Variants in PSD4 observed in about 807,000 individuals in gnomAD.
PSD4 encodes PH and SEC7 domain-containing protein 4.
A neutral mutation model predicts 112.5 loss-of-function variants in PSD4; 59 were observed. The observed-to-expected ratio is 0.52, with a 90% confidence interval of 0.43 to 0.65. PSD4 has a LOEUF of 0.65. Among genes scored for constraint, PSD4 ranks in the 30% least tolerant of loss-of-function variants. The pLI is 0.00. For synonymous variants in PSD4, 533 were observed against 540.0 expected (o/e 0.99, Z 0.18); for missense variants, 1,267 against 1,352.6 (o/e 0.94, Z 0.99).
Position 113,182,219 on chromosome 2 carries a change from G to C in PSD4, c.-111-127G>C, listed in dbSNP as rs907418068. The C allele has an allele frequency of 6.8e-5, 33 of 485,520 alleles. 1 individual carries two copies. The highest frequency in any genetic ancestry group is 1.2e-4 in the Non-Finnish European group (33 of 272,740). 30.1% of individuals were successfully genotyped at this position (485,520 alleles called of 1,614,324 possible). Reference sequence around the variant, plus strand: ...ACTCCTTACTCCCAGCAGGGCTGTGGAGGGCAGTGCTAAGGAGCAGCAGGC... The same window carrying C: ...ACTCCTTACTCCCAGCAGGGCTGTGCAGGGCAGTGCTAAGGAGCAGCAGGC... On this transcript the variant is annotated intron_variant, in intron 1 of 16. Transcript: ENST00000245796.
chr2:113,186,318 T>G, intron 5 of PSD4, 63 bp downstream of exon 5: 2 of 1,478,618 alleles, frequency 1.4e-6, no homozygotes, highest in Non-Finnish European at 1.8e-6. Context: ...AATATTCTAG[T>G]CTGGATGGAG....
rs768487603 is a variant in PSD4, at chr2:113,198,827, C to A, written c.2712C>A (p.Gly904=). Residue 904 remains glycine (G), a synonymous_variant, in exon 15 of 17, where the codon GGC becomes GGA. Coordinates refer to ENST00000245796, the MANE Select transcript of PSD4 (RefSeq NM_012455.3). ...HSAPPFPAAV[G]SQRRFVRPIL... ...CGCCGCCCTTCCCCGCCGCTGTGGG[C>A]TCCCAGCGCAGATTCGTGCGGCCCA... The A allele has an allele frequency of 6.3e-7, 1 of 1,597,670 alleles. No individual in the cohort carries two copies. Among genetic ancestry groups the A allele is most frequent in the African/African-American group, 1.3e-5 (1 of 74,886 alleles).
intron 1 of PSD4, among the ~76,000 whole-genome samples, chr2:113,181,205 G>T (rs55746251): frequency 0.039 from 5,778 of 149,976 alleles, 363 homozygotes; most frequent in African/African-American, 0.13. Flanking sequence ...TCCAACCCGG[G>T]TGACAGAGCG....
intron 2 of PSD4, 146 bp from the exon 3 acceptor site, chr2:113,184,811 T>C: frequency 8.3e-7 from 1 of 1,206,898 alleles, no homozygotes; most frequent in South Asian, 1.4e-5. Flanking sequence ...CAGCCCCTCC[T>C]TGGGCTGGCA....
At chr2:113,187,918 A>G (rs957516197) in intron 5 of PSD4, among the ~76,000 whole-genome samples, 6 of 152,230 alleles carry the variant, frequency 3.9e-5, no homozygotes, top group Admixed American at 3.9e-4. Context: ...AGAAAAGTGT[A>G]AGTACAAATC....
rs760030646 is a variant in PSD4, at chr2:113,198,889, G to T, written c.2769+5G>T. The T allele has an allele frequency of 1.3e-6, 2 of 1,577,724 alleles. No homozygotes were observed. Among genetic ancestry groups the T allele is most frequent in the Non-Finnish European group, 1.7e-6 (2 of 1,169,236 alleles). The stretch of plus-strand genomic sequence containing the variant: ...GGCCCCGCCCAGAGCTCCCTGGTAC[G>T]GCCTCCGGGAAGGGGTGGGGTCCGG... On this transcript the variant is annotated splice_donor_5th_base_variant and intron_variant, in intron 15 of 16. Coordinates refer to ENST00000245796, the MANE Select transcript of PSD4 (RefSeq NM_012455.3).
At chr2:113,177,545 C>A (rs996470051) in intron 1 of PSD4, among the ~76,000 whole-genome samples, 1 of 152,158 alleles carries the variant, frequency 6.6e-6, no homozygotes, top group African/African-American at 2.4e-5. Context: ...CCTGGGTTCG[C>A]ACACCAGCTC....
At chr2:113,195,804 C>T in intron 11 of PSD4, 34 bp downstream of exon 11, 2 of 1,613,458 alleles carry the variant, frequency 1.2e-6, no homozygotes, top group Non-Finnish European at 1.7e-6. Context: ...CTCCCTCTCA[C>T]CCCTCTCCCC....
chr2:113,183,459 G>A lies in PSD4; in HGVS notation c.1003G>A (p.Val335Met), dbSNP rs1249973634. The A allele has an allele frequency of 6.3e-7, 1 of 1,591,572 alleles. No individual in the cohort carries two copies. ...YKPHSICWAS[V>M]AAAEGAPAAP... ...ACCACACTCCATCTGCTGGGCCTCA[G>A]TGGCTGCCGCTGAGGGGGCTCCTGC... Residue 335 changes from valine to methionine, a missense_variant, in exon 2 of 17, where the codon GTG becomes ATG. Physicochemically the swap from Val to Met is conservative, Grantham distance 21 (BLOSUM62 1). This residue lies in a region of PSD4 where 723 missense variants were observed against 704.0 expected (regional missense o/e 1.03). Coordinates refer to ENST00000245796, the MANE Select transcript of PSD4 (RefSeq NM_012455.3).
At chr2:113,180,765 C>G (rs999134552) in intron 1 of PSD4, among the ~76,000 whole-genome samples, 9 of 152,076 alleles carry the variant, frequency 5.9e-5, no homozygotes, top group African/African-American at 2.2e-4. Flanking sequence ...GGCTGTTGTT[C>G]TTGGGTATCT....
intron 14 of PSD4, chr2:113,198,265 CTTTA>C (rs1041835914): frequency 7.5e-5 from 21 of 278,256 alleles, no homozygotes; most frequent in Admixed American, 3.9e-4. Context: ...AGATTGTCCT[CTTTA>C]TTTTTTATTG....
intron 6 of PSD4, 125 bp from the exon 7 acceptor site, chr2:113,192,923 C>T (rs1003742527): frequency 5.5e-6 from 5 of 912,122 alleles, no homozygotes; most frequent in Admixed American, 4.9e-5. Context: ...CAAGGCCCAG[C>T]GTGCCTGCAC....
rs1001140956 is a variant in PSD4, at chr2:113,199,076, C to G, written c.2770-7C>G. On this transcript the variant is annotated splice_region_variant and splice_polypyrimidine_tract_variant and intron_variant, in intron 15 of 16. Coordinates refer to ENST00000245796, the MANE Select transcript of PSD4 (RefSeq NM_012455.3). The stretch of plus-strand genomic sequence containing the variant: ...GGACAGCGCCCCTCACCGCCCGCTG[C>G]TCGCAGGAGGAGCAGCATCGATCCC... 2.0e-6 allele frequency: 3 copies of G among 1,524,504 alleles called. No homozygotes were observed. In the African/African-American group the frequency reaches 4.3e-5, roughly 22 times the overall value. 94.4% of individuals were successfully genotyped at this position (1,524,504 alleles called of 1,614,324 possible). A position where few individuals can be genotyped will look rare whatever the true frequency, so the allele number is the denominator to read the frequency against.
At chr2:113,175,073 G>C (rs1426672596) in intron 1 of PSD4, among the ~76,000 whole-genome samples, 4 of 152,128 alleles carry the variant, frequency 2.6e-5, no homozygotes, top group Admixed American at 6.5e-5. Flanking sequence ...ACAGGCTGCT[G>C]AGCTCTTTGT....
At chr2:113,179,924 T>A (rs1014830988) in intron 1 of PSD4, among the ~76,000 whole-genome samples, 21 of 152,194 alleles carry the variant, frequency 1.4e-4, no homozygotes, top group African/African-American at 5.1e-4. Flanking sequence ...CCAGCAAGTC[T>A]AGATTCTTGT....
At chr2:113,191,053 C>T (rs919309829) in intron 5 of PSD4, among the ~76,000 whole-genome samples, 1 of 152,172 alleles carries the variant, frequency 6.6e-6, no homozygotes, top group African/African-American at 2.4e-5. Flanking sequence ...TGGAACTTCT[C>T]TGGCTACCAA....
At chr2:113,185,767 G>T in intron 4 of PSD4, 110 bp from the exon 5 acceptor site, 1 of 1,550,464 alleles carries the variant, frequency 6.4e-7, no homozygotes, top group African/African-American at 1.4e-5. Context: ...GACAGGGCAT[G>T]CTGCCAGGCT....
At position 113,185,926 on chromosome 2, in the gene PSD4, C is replaced by T. The variant is rs1392994556; in HGVS notation, c.1299C>T (p.Ala433=). The part of the protein sequence containing the change: ...HPQESLPCTL[A]PCPWRSPASS... ...AGGAATCTCTTCCCTGCACCTTGGC[C>T]CCCTGCCCCTGGAGGAGCCCAGCTT... The change falls in exon 5 of 17, where the codon GCC becomes GCT. Residue 433 remains alanine, a synonymous_variant. Coordinates refer to ENST00000245796, the MANE Select transcript of PSD4 (RefSeq NM_012455.3). 1 of 1,613,568 alleles carries T rather than the reference C, an allele frequency of 6.2e-7. No homozygotes were observed. Among genetic ancestry groups the T allele is most frequent in the Non-Finnish European group, 8.5e-7 (1 of 1,179,764 alleles).
chr2:113,186,377 G>A (rs1222290525), intron 5 of PSD4, 122 bp downstream of exon 5: 34 of 1,107,706 alleles, frequency 3.1e-5, no homozygotes, highest in Non-Finnish European at 4.0e-5. Context: ...TATTAAGCAA[G>A]GATTATATGA....
Sources: gnomAD v4.1 joint callset for allele counts (sites outside exome capture counted in the v4.1 genomes callset) on GRCh38, gnomAD v4.1.1 for gene constraint, gnomAD v4.1.1 regional missense constraint, MANE v1.5 for transcripts, NCBI Gene and HGNC (gene_info 2026-07-23, HGNC 2026-07-21) for gene names.